RB1CC1: variants seen among roughly 807,000 people sequenced by gnomAD.
The protein encoded by RB1CC1 is RB1-inducible coiled-coil protein 1.
A neutral mutation model predicts 177.5 loss-of-function variants in RB1CC1; 46 were observed. The ratio of observed to expected loss-of-function variants is 0.26; its 90% CI spans 0.20 to 0.33. RB1CC1 has a LOEUF of 0.33. Ranked by LOEUF, RB1CC1 falls within the 10% of genes least tolerant of loss-of-function variation. The probability of loss-of-function intolerance (pLI) is 1.00; values close to 1 mark genes in which losing one functional copy is unlikely to be tolerated. For synonymous variants in RB1CC1, 666 were observed against 613.6 expected, an observed-to-expected ratio of 1.09 and a Z score of -1.26; for missense variants, 1,703 against 1,816.3, an observed-to-expected ratio of 0.94 and a Z score of 1.13.
At chr8:52,632,176 T>C (rs570047031) in intron 20 of RB1CC1, among the ~76,000 whole-genome samples, 1 of 152,276 alleles carries the variant, frequency 6.6e-6, no homozygotes, top group Admixed American at 6.5e-5. Context: ...CACCATCTCA[T>C]AAGACCTGAA....
At position 52,661,330 on chromosome 8, in the gene RB1CC1, C is replaced by T. The variant is rs762175519; in HGVS notation, c.1359-49G>A. 14 of 1,588,234 alleles carry T rather than the reference C, an allele frequency of 8.8e-6. No individual in the cohort carries two copies. In the East Asian group the frequency reaches 2.7e-4, roughly 31 times the overall value. ...TCAACATTCACAAAACTGGTACTAA[C>T]TTAGTTACTTACTTAGTAAGCTTAC... On this transcript the variant is annotated intron_variant, in intron 9 of 23. Transcript: ENST00000025008.
In RB1CC1 at chr8:52,707,849, A is replaced by G. The variant is rs188167667; in HGVS notation, c.-167+6226T>C. 2.2e-3 allele frequency among the ~76,000 whole-genome samples: 330 copies of G among 152,312 alleles called. 1 individual carries two copies. Among genetic ancestry groups the G allele is most frequent in the South Asian group, 2.9e-3 (14 of 4,822 alleles). ...AACTTGATATAGGCTAGATTAACATAAAAATGGCAGACTTAGGAACAAAAT... is the reference window on the plus strand; with the variant it reads ...AACTTGATATAGGCTAGATTAACATGAAAATGGCAGACTTAGGAACAAAAT... On this transcript the variant is annotated intron_variant, in intron 1 of 23. Transcript: ENST00000025008.
Position 52,656,581 on chromosome 8 carries a change from G to A in RB1CC1, c.3248C>T (p.Ala1083Val), listed in dbSNP as rs369811568. 3 of 1,612,610 alleles carry A rather than the reference G, an allele frequency of 1.9e-6. No individual in the cohort carries two copies. In the South Asian group the frequency reaches 3.3e-5, roughly 18 times the overall value. Residue 1083 changes from alanine to valine, a missense_variant, in exon 15 of 24, where the codon GCC (alanine) becomes GTC (valine). By Grantham distance (64) the Ala-to-Val change is moderately conservative. Coordinates refer to ENST00000025008, the MANE Select transcript of RB1CC1 (RefSeq NM_014781.5). ...EIKILLEESR[A>V]QQKETLKSLL... ...AGATTTCAAGGTCTCCTTCTGCTGG[G>A]CTCTGCTTTCTTCCAGCAAAATTTT... is the stretch of plus-strand genomic sequence containing the variant.
intron 5 of RB1CC1, among the ~76,000 whole-genome samples, chr8:52,680,307 G>C (rs556448234): frequency 8.5e-5 from 13 of 152,196 alleles, no homozygotes; most frequent in African/African-American, 3.1e-4. Flanking sequence ...AAAAAGAAAC[G>C]TATCACTGAT....
At chr8:52,637,497 C>T (rs918752625) in intron 18 of RB1CC1, among the ~76,000 whole-genome samples, 1 of 152,052 alleles carries the variant, frequency 6.6e-6, no homozygotes, top group African/African-American at 2.4e-5. Context: ...ACCACCACAG[C>T]CAGCTCCAAT....
Position 52,653,728 on chromosome 8 carries a change from T to C in RB1CC1, c.3821+2280A>G, listed in dbSNP as rs533398067. 3.9e-5 allele frequency among the ~76,000 whole-genome samples: 6 copies of C among 152,340 alleles called. No homozygotes were observed. The East Asian group carries it at 9.7e-4, about 25-fold the overall frequency. ...CAGAAGTGGTCTGAATTTCAGATTC[T>C]GGAATATTTGCATTATATTTACCAG... is the stretch of plus-strand genomic sequence containing the variant. On this transcript the variant is annotated intron_variant, in intron 15 of 23. Coordinates refer to ENST00000025008, the MANE Select transcript of RB1CC1 (RefSeq NM_014781.5).
At chr8:52,653,010 T>G (rs1013551810) in intron 15 of RB1CC1, among the ~76,000 whole-genome samples, 1 of 152,046 alleles carries the variant, frequency 6.6e-6, no homozygotes, top group Admixed American at 6.6e-5. Context: ...TGAAGAGAGA[T>G]CACGCCACTG....
intron 3 of RB1CC1, among the ~76,000 whole-genome samples, chr8:52,685,193 G>A (rs1013228933): frequency 6.6e-6 from 1 of 151,774 alleles, no homozygotes; most frequent in African/African-American, 2.4e-5. Context: ...TAGTAGGAAC[G>A]GGGTTTCACC....
chr8:52,709,184 G>A (rs1174400416), intron 1 of RB1CC1, among the ~76,000 whole-genome samples: 1 of 152,048 alleles, frequency 6.6e-6, no homozygotes, highest in East Asian at 1.9e-4. Context: ...TCCAGCCTGG[G>A]CAACAAGAGT....
In RB1CC1 at chr8:52,656,491, T is replaced by C. The variant is rs760694920; in HGVS notation, c.3338A>G (p.Asp1113Gly). Residue 1113 changes from aspartate (D) to glycine (G), a missense_variant, in exon 15 of 24, where the codon GAT becomes GGT. By Grantham distance (94) the Asp-to-Gly change is moderately conservative. This residue lies in a region of RB1CC1 where 1,169 missense variants were observed against 1,184.7 expected (regional missense o/e 0.99). Transcript: ENST00000025008. ...GCCCACCTGATAATTTTCATTATTA[T>C]CCTGAATCTTTTGGTTGAGTTTACT... ...EISKLNQKIQ[D>G]NNENYQVGLA... The C allele has an allele frequency of 6.8e-6, 11 of 1,611,362 alleles. No homozygotes were observed. The Admixed American group carries it at 1.5e-4, about 22-fold the overall frequency.
chr8:52,698,851 G>A (rs112509610), intron 1 of RB1CC1, among the ~76,000 whole-genome samples: 4,426 of 151,264 alleles, frequency 0.029, 248 homozygotes, highest in African/African-American at 0.1. Context: ...CACCACGCCC[G>A]GCTAATTGTT....
At position 52,656,379 on chromosome 8, in the gene RB1CC1, T is replaced by C. The variant is rs1462959410; in HGVS notation, c.3450A>G (p.Ile1150Met). The C allele has an allele frequency of 6.2e-7, 1 of 1,610,516 alleles. No individual in the cohort carries two copies. Among genetic ancestry groups the C allele is most frequent in the East Asian group, 2.2e-5 (1 of 44,806 alleles). Residue 1150 changes from isoleucine (I) to methionine (M), a missense_variant, in exon 15 of 24, where the codon ATA becomes ATG. Ile to Met is a conservative substitution (Grantham distance 10, BLOSUM62 1). Around this residue, in one of 6 missense-constraint regions of RB1CC1, gnomAD observed 1,169 missense variants for 1,184.7 expected, o/e 0.99. Transcript: ENST00000025008. ...LISRHEEESN[I>M]LKAELNKVTS... ...TTACTTTGTTTAATTCAGCTTTAAG[T>C]ATATTAGATTCTTCTTCATGTCTAC...
intron 8 of RB1CC1, among the ~76,000 whole-genome samples, chr8:52,663,107 T>C (rs1167151711): frequency 6.6e-6 from 1 of 152,118 alleles, no homozygotes; most frequent in East Asian, 1.9e-4. Flanking sequence ...AAAATCCTCA[T>C]AAATCATCTA....
rs1191127627 is a variant in RB1CC1, at chr8:52,623,122, A to C, written c.*660T>G. 1 of 154,010 alleles carries C rather than the reference A, an allele frequency of 6.5e-6. No homozygotes were observed. The highest frequency in any genetic ancestry group is 1.4e-5 in the Non-Finnish European group (1 of 69,148). The allele number at this position is 154,010 out of a possible 1,614,324, so 9.5% of individuals were successfully genotyped here. On this transcript the variant is annotated 3_prime_UTR_variant, in exon 24 of 24. Transcript: ENST00000025008. The stretch of plus-strand genomic sequence containing the variant: ...ACAGACTCTTCCCTTTAGAACCCAG[A>C]TGACCAATCCACTGAAAGTGCTTTT...
rs1851351220 is a variant in RB1CC1 at position 52,658,981 on chromosome 8, A to C, written c.1690-5T>G. ...AAACTTTCGAGGCTTTTGAGTCTGT[A>C]CCAAAAAAATTAATTACTTAAAAAA... On this transcript the variant is annotated splice_region_variant and splice_polypyrimidine_tract_variant and intron_variant, in intron 12 of 23. Transcript: ENST00000025008. The C allele has an allele frequency of 6.8e-7, 1 of 1,475,166 alleles. No homozygotes were observed. The highest frequency in any genetic ancestry group is 9.0e-7 in the Non-Finnish European group (1 of 1,107,792). The allele number at this position is 1,475,166 out of a possible 1,614,324, so 91.4% of individuals were successfully genotyped here. A position where few individuals can be genotyped will look rare whatever the true frequency, so the allele number is the denominator to read the frequency against.
At chr8:52,643,024 C>T (rs1004174888) in intron 16 of RB1CC1, 3 of 438,318 alleles carry the variant, frequency 6.8e-6, no homozygotes, top group African/African-American at 2.0e-5. Flanking sequence ...AAAGCAAATC[C>T]TATTTTCTTA....
At chr8:52,671,590 A>G (rs1852610267) in intron 7 of RB1CC1, among the ~76,000 whole-genome samples, 1 of 152,244 alleles carries the variant, frequency 6.6e-6, no homozygotes, top group Non-Finnish European at 1.5e-5. Context: ...ACATCATGGT[A>G]AAGTGCCATT....
At chr8:52,643,906 G>A (rs1849787218) in intron 16 of RB1CC1, among the ~76,000 whole-genome samples, 2 of 151,658 alleles carry the variant, frequency 1.3e-5, no homozygotes, top group African/African-American at 2.4e-5. Flanking sequence ...AAGTAATACA[G>A]CATTTTTAAT....
At chr8:52,708,114 C>T (rs965117163) in intron 1 of RB1CC1, among the ~76,000 whole-genome samples, 3 of 152,198 alleles carry the variant, frequency 2.0e-5, no homozygotes, top group African/African-American at 7.2e-5. Context: ...ATTTTTGTAG[C>T]AGTATCATCA....
Sources: allele counts gnomAD v4.1 joint callset (sites outside exome capture counted in the v4.1 genomes callset), GRCh38; gene constraint gnomAD v4.1.1; regional missense constraint gnomAD v4.1.1; transcripts MANE v1.5; gene names NCBI Gene and HGNC (gene_info 2026-07-23, HGNC 2026-07-21).